Variants in TRIM36 observed in about 807,000 individuals in gnomAD.
TRIM36 encodes the protein E3 ubiquitin-protein ligase TRIM36.
In TRIM36, 42 loss-of-function variants were observed where a neutral mutation model predicts 72.4. The ratio of observed to expected loss-of-function variants is 0.58; its 90% CI spans 0.45 to 0.75. The LOEUF (loss-of-function observed/expected upper bound fraction) is 0.75, where lower values mean the gene tolerates loss of function less well. Among genes scored for constraint, TRIM36 ranks in the 30% least tolerant of loss-of-function variants. The probability of loss-of-function intolerance (pLI) is 0.00; values close to 1 mark genes in which losing one functional copy is unlikely to be tolerated. For synonymous variants in TRIM36, 315 were observed against 282.8 expected (o/e 1.11, Z -1.14); for missense variants, 913 against 857.1 (o/e 1.07, Z -0.81).
At chr5:115,171,206 C>G, upstream of TRIM36, 1 of 1,614,152 alleles carries the variant, frequency 6.2e-7, no homozygotes, top group Non-Finnish European at 8.5e-7. Flanking sequence ...GCGGTAGCCT[C>G]GTCTCCAATC....
intron 2 of TRIM36, among the ~76,000 whole-genome samples, chr5:115,156,168 A>G (rs1754170202): frequency 6.6e-6 from 1 of 152,206 alleles, no homozygotes; most frequent in Non-Finnish European, 1.5e-5. Context: ...CATAGAAGAC[A>G]TGAAAAAATG....
intron 8 of TRIM36, among the ~76,000 whole-genome samples, chr5:115,133,259 A>G (rs989645679): frequency 2.0e-5 from 3 of 152,190 alleles, no homozygotes; most frequent in African/African-American, 7.2e-5. Context: ...TTCACATTCT[A>G]TAAAAATCTT....
rs762541798 is a variant in TRIM36 at position 115,147,069 on chromosome 5, C to T, written c.588G>A (p.Lys196=). The T allele has an allele frequency of 1.9e-6, 3 of 1,603,378 alleles. No individual in the cohort carries two copies. Among genetic ancestry groups the T allele is most frequent in the East Asian group, 2.2e-5 (1 of 44,682 alleles). Residue 196 remains lysine (K), a splice_region_variant and synonymous_variant, in exon 3 of 10, where the codon AAG becomes AAA. Coordinates refer to ENST00000513154, the MANE Select transcript of TRIM36 (RefSeq NM_001300759.2). ...YVGPTTNFRP[K]ILMCPEHETE... is the part of the protein sequence containing the mutation. ...CTAACTTAATAAAAACTTCACTTAC[C>T]TTGGGTCTGAAGTTAGTAGTTGGAC... is the stretch of plus-strand genomic sequence containing the variant.
chr5:115,161,502 T>C (rs1328231392), intron 2 of TRIM36, among the ~76,000 whole-genome samples: 1 of 152,256 alleles, frequency 6.6e-6, no homozygotes, highest in East Asian at 1.9e-4. Context: ...AAGACATGTT[T>C]TGGCTGTCCT....
At chr5:115,171,107 G>A (rs1295814283), upstream of TRIM36, 3 of 1,614,222 alleles carry the variant, frequency 1.9e-6, no homozygotes, top group Middle Eastern at 1.6e-4. Context: ...TCTCGTTTAG[G>A]TTTTAAAATG....
intron 8 of TRIM36, among the ~76,000 whole-genome samples, chr5:115,132,396 G>T (rs1752738754): frequency 6.6e-6 from 1 of 151,654 alleles, no homozygotes; most frequent in Admixed American, 6.6e-5. Context: ...AGCCAGGCAT[G>T]CTGGTCTGCA....
intron 1 of TRIM36, chr5:115,177,491 G>A (rs1479509727): frequency 9.6e-6 from 12 of 1,249,878 alleles, no homozygotes; most frequent in Non-Finnish European, 1.2e-5. Flanking sequence ...ACTACAAAGT[G>A]GAACCGAACC....
intron 1 of TRIM36, among the ~76,000 whole-genome samples, chr5:115,178,182 A>C (rs904412177): frequency 6.6e-6 from 1 of 152,208 alleles, no homozygotes; most frequent in African/African-American, 2.4e-5. Flanking sequence ...CTGCTATTGA[A>C]GGAAAGCATA....
Position 115,177,866 on chromosome 5 carries a change from CTGAAGCCTAGTGAAG to C in TRIM36, c.63+2094_63+2108del, listed in dbSNP as rs773916304. 21 of 1,614,030 alleles carry C rather than the reference CTGAAGCCTAGTGAAG, an allele frequency of 1.3e-5. No homozygotes were observed. The South Asian group carries it at 2.3e-4, about 18-fold the overall frequency. ...TCATGGGTTTGCTGCAGGCCCATTG[CTGAAGCCTAGTGAAG>C]AGAGAGACAGAGAGAGAGAGAGCAG... On this transcript the variant is annotated intron_variant, in intron 1 of 9. Coordinates refer to the TRIM36 transcript ENST00000282369.
At position 115,137,401 on chromosome 5, in the gene TRIM36, C is replaced by A; in HGVS notation, c.1047G>T (p.Gln349His). 1 of 1,613,908 alleles carries A rather than the reference C, an allele frequency of 6.2e-7. No homozygotes were observed. Among genetic ancestry groups the A allele is most frequent in the East Asian group, 2.2e-5 (1 of 44,856 alleles). The change falls in exon 6 of 10, where the codon CAG becomes CAT. Residue 349 changes from glutamine to histidine, a missense_variant. Gln to His is a conservative substitution (Grantham distance 24). Transcript: ENST00000513154. ...GCTTTGCTGTCTGCACAAAGCAAGA[C>A]TGATCTGTCTCCTTTAGCACTTCTT... Reference protein sequence around the residue: ...YAQEVLKETDQSCFVQTAKQL... With the variant: ...YAQEVLKETDHSCFVQTAKQL...
At chr5:115,149,685 G>C (rs1307075165) in intron 2 of TRIM36, 1 of 128,730 alleles carries the variant, frequency 7.8e-6, no homozygotes, top group Non-Finnish European at 1.6e-5. Context: ...ACTTAAATCA[G>C]ACATTAAATT....
At chr5:115,165,661 G>A (rs1410107076) in intron 1 of TRIM36, among the ~76,000 whole-genome samples, 1 of 152,202 alleles carries the variant, frequency 6.6e-6, no homozygotes, top group African/African-American at 2.4e-5. Context: ...TGCTTGCTCT[G>A]CAGAGCCAGC....
intron 3 of TRIM36, among the ~76,000 whole-genome samples, chr5:115,145,222 A>T (rs1367480473): frequency 1.3e-5 from 2 of 152,232 alleles, no homozygotes; most frequent in Non-Finnish European, 2.9e-5. Context: ...GAGTCTCAGA[A>T]AACTTTATAA....
intron 1 of TRIM36, among the ~76,000 whole-genome samples, chr5:115,176,020 G>A (rs1030709624): frequency 3.9e-5 from 6 of 152,104 alleles, no homozygotes; most frequent in Non-Finnish European, 5.9e-5. Flanking sequence ...CAGCTACTAG[G>A]GAGGCTGAGG....
chr5:115,158,490 G>A (rs1437710717), intron 2 of TRIM36, among the ~76,000 whole-genome samples: 3 of 152,098 alleles, frequency 2.0e-5, no homozygotes, highest in Admixed American at 6.6e-5. Flanking sequence ...AACCTCTGCC[G>A]GTTGCATCCT....
chr5:115,130,233 TAAGAA>T (rs1752602512), intron 9 of TRIM36, among the ~76,000 whole-genome samples: 1 of 152,214 alleles, frequency 6.6e-6, no homozygotes, highest in African/African-American at 2.4e-5. Context: ...CTGTGTCCCA[TAAGAA>T]AAGAACAACT....
At chr5:115,176,911 CGTAA>C (rs1554066809) in intron 1 of TRIM36, among the ~76,000 whole-genome samples, 1 of 152,130 alleles carries the variant, frequency 6.6e-6, no homozygotes, top group Non-Finnish European at 1.5e-5. Context: ...TGAGAATGAT[CGTAA>C]GTATTAACTA....
intron 2 of TRIM36, among the ~76,000 whole-genome samples, chr5:115,156,812 T>C (rs763067246): frequency 2.0e-5 from 3 of 151,990 alleles, no homozygotes; most frequent in African/African-American, 7.3e-5. Flanking sequence ...CAAAGACAAA[T>C]TGCTGGGACT....
chr5:115,140,049 C>T (rs537666579), intron 5 of TRIM36, among the ~76,000 whole-genome samples: 85 of 152,112 alleles, frequency 5.6e-4, no homozygotes, highest in African/African-American at 1.9e-3. Flanking sequence ...CTTAATCCAA[C>T]AAAAATATGA....
Sources: allele counts gnomAD v4.1 joint callset (sites outside exome capture counted in the v4.1 genomes callset), GRCh38; gene constraint gnomAD v4.1.1; transcripts MANE v1.5; gene names NCBI Gene and HGNC (gene_info 2026-07-23, HGNC 2026-07-21).